The following DTD1 variants were observed in gnomAD, a reference collection of about 807,000 sequenced individuals.
DTD1 encodes the protein D-aminoacyl-tRNA deacylase 1.
A neutral mutation model predicts 25.6 loss-of-function variants in DTD1; 13 were observed. The ratio of observed to expected loss-of-function variants is 0.51; its 90% CI spans 0.33 to 0.81. DTD1 has a LOEUF of 0.81. Among genes scored for constraint, DTD1 ranks in the 30% least tolerant of loss-of-function variants. The pLI is 0.02. For synonymous variants in DTD1, 110 were observed against 103.6 expected (o/e 1.06, Z -0.37); for missense variants, 193 against 266.4 (o/e 0.72, Z 1.92).
At chr20:18,656,205 T>C (rs1178431239) in intron 4 of DTD1, among the ~76,000 whole-genome samples, 1 of 152,254 alleles carries the variant, frequency 6.6e-6, no homozygotes, top group Admixed American at 6.5e-5. Flanking sequence ...GATATTTTCT[T>C]TCTTCTCTAC....
At chr20:18,617,875 C>T (rs571308107) in intron 3 of DTD1, among the ~76,000 whole-genome samples, 27 of 152,132 alleles carry the variant, frequency 1.8e-4, no homozygotes, top group African/African-American at 6.5e-4. Context: ...ATAGAGACTT[C>T]TTTCTTTTTT....
At chr20:18,683,149 G>A (rs2061003812) in intron 4 of DTD1, among the ~76,000 whole-genome samples, 1 of 152,132 alleles carries the variant, frequency 6.6e-6, no homozygotes, top group African/African-American at 2.4e-5. Flanking sequence ...CTTTTTGTTG[G>A]TCAGTTGTGA....
chr20:18,636,265 G>A (rs536869610), intron 4 of DTD1, among the ~76,000 whole-genome samples: 1 of 152,276 alleles, frequency 6.6e-6, no homozygotes, highest in Non-Finnish European at 1.5e-5. Flanking sequence ...TTTATACATT[G>A]TGCATAGCAA....
At chr20:18,685,116 C>A (rs1335091643) in intron 4 of DTD1, among the ~76,000 whole-genome samples, 1 of 152,086 alleles carries the variant, frequency 6.6e-6, no homozygotes, top group African/African-American at 2.4e-5. Flanking sequence ...TTGCCCAGGC[C>A]AGTCCCAAAC....
intron 5 of DTD1, among the ~76,000 whole-genome samples, chr20:18,751,028 G>A (rs1489293443): frequency 6.6e-6 from 1 of 151,920 alleles, no homozygotes; most frequent in African/African-American, 2.4e-5. Flanking sequence ...GATGTGTCCT[G>A]GCTGAGCACA....
intron 4 of DTD1, among the ~76,000 whole-genome samples, chr20:18,648,696 T>C (rs1312318548): frequency 6.6e-6 from 1 of 152,154 alleles, no homozygotes; most frequent in East Asian, 1.9e-4. Context: ...ATAAAAAATT[T>C]AGATTATTGG....
At chr20:18,757,257 C>T (rs1307021332) in intron 5 of DTD1, among the ~76,000 whole-genome samples, 2 of 152,162 alleles carry the variant, frequency 1.3e-5, no homozygotes, top group Non-Finnish European at 2.9e-5. Context: ...ATTGAATACC[C>T]TTTATTTCCT....
intron 4 of DTD1, among the ~76,000 whole-genome samples, chr20:18,686,095 C>T (rs769269291): frequency 6.6e-6 from 1 of 152,220 alleles, no homozygotes; most frequent in Non-Finnish European, 1.5e-5. Context: ...GTTCTGTTTC[C>T]TGGAGGATCC....
chr20:18,754,836 G>A (rs774056213), intron 5 of DTD1, among the ~76,000 whole-genome samples: 12 of 152,224 alleles, frequency 7.9e-5, no homozygotes, highest in Non-Finnish European at 1.5e-4. Context: ...TGTAGTGGGC[G>A]GTGGCTTTCA....
chr20:18,628,434 C>T lies in DTD1; in HGVS notation c.477+201C>T, dbSNP rs1396456971. On this transcript the variant is annotated intron_variant, in intron 4 of 5. Transcript: ENST00000377452. ...TGGGTACAGCACTTCTCCCTTGCCTCGTCCTGCCTTTGAATTCCAGAGGAC... is the reference window on the plus strand; with the variant it reads ...TGGGTACAGCACTTCTCCCTTGCCTTGTCCTGCCTTTGAATTCCAGAGGAC... 3.9e-5 allele frequency among the ~76,000 whole-genome samples: 6 copies of T among 152,222 alleles called. No individual in the cohort carries two copies. In the East Asian group the frequency reaches 9.6e-4, roughly 24 times the overall value.
intron 4 of DTD1, among the ~76,000 whole-genome samples, chr20:18,739,080 G>A (rs6136500): frequency 3.9e-5 from 6 of 152,146 alleles, no homozygotes; most frequent in Non-Finnish European, 8.8e-5. Context: ...TGTGTCCTAA[G>A]GCCTTAGGTG....
At chr20:18,643,868 G>T (rs2060840088) in intron 4 of DTD1, among the ~76,000 whole-genome samples, 1 of 152,154 alleles carries the variant, frequency 6.6e-6, no homozygotes, top group African/African-American at 2.4e-5. Context: ...GTGTATGTGT[G>T]TGTGTGTGTA....
At chr20:18,594,429 T>C (rs1182901671) in intron 2 of DTD1, among the ~76,000 whole-genome samples, 1 of 152,182 alleles carries the variant, frequency 6.6e-6, no homozygotes, top group Non-Finnish European at 1.5e-5. Flanking sequence ...TTAGGTGTCT[T>C]AGCCAAGGCA....
In DTD1 at chr20:18,588,139, G is replaced by T; in HGVS notation, c.43+24G>T. 3.2e-6 allele frequency: 4 copies of T among 1,259,356 alleles called. No individual in the cohort carries two copies. In the South Asian group the frequency reaches 8.5e-5, roughly 27 times the overall value. 78.0% of individuals were successfully genotyped at this position (1,259,356 alleles called of 1,614,324 possible). ...AGGTCAGTCGGGCGGGGCCGGGCCC[G>T]GGAGGAGCCGCCCCTGACCCCCGCG... On this transcript the variant is annotated intron_variant, in intron 1 of 5. Coordinates refer to ENST00000377452, the MANE Select transcript of DTD1 (RefSeq NM_080820.6).
intron 4 of DTD1, among the ~76,000 whole-genome samples, chr20:18,722,501 GCTTTT>G: frequency 6.6e-6 from 1 of 152,350 alleles, no homozygotes; most frequent in Middle Eastern, 3.4e-3. Flanking sequence ...ATGTTTGATA[GCTTTT>G]CTTGAGTTGA....
At chr20:18,601,759 C>T (rs1263237156) in intron 3 of DTD1, among the ~76,000 whole-genome samples, 6 of 151,948 alleles carry the variant, frequency 3.9e-5, no homozygotes, top group African/African-American at 7.3e-5. Flanking sequence ...ACATCCACAC[C>T]GAAAACCCAT....
rs570765329 is a variant in DTD1 at position 18,596,383 on chromosome 20, C to T, written c.370+142C>T. On this transcript the variant is annotated intron_variant, in intron 3 of 5. Transcript: ENST00000377452. Reference sequence around the variant, plus strand: ...CTTACTTAGAACCACATACTAGCTGCTGCTATTGCTGCTGTTGTACTTAAC... The same window carrying T: ...CTTACTTAGAACCACATACTAGCTGTTGCTATTGCTGCTGTTGTACTTAAC... The T allele has an allele frequency of 2.3e-4, 151 of 669,140 alleles. 2 individuals are homozygous for T. In the South Asian group the frequency reaches 2.7e-3, roughly 12 times the overall value. The allele number at this position is 669,140 out of a possible 1,614,324, so 41.5% of individuals were successfully genotyped here. A position where few individuals can be genotyped will look rare whatever the true frequency, so the allele number is the denominator to read the frequency against.
intron 4 of DTD1, among the ~76,000 whole-genome samples, chr20:18,688,840 G>A (rs967473402): frequency 1.6e-4 from 24 of 152,114 alleles, no homozygotes; most frequent in South Asian, 4.1e-4. Context: ...TATTGAGTAG[G>A]AAGCAGGAAG....
At chr20:18,678,569 G>T (rs926815709) in intron 4 of DTD1, among the ~76,000 whole-genome samples, 6 of 152,162 alleles carry the variant, frequency 3.9e-5, no homozygotes, top group African/African-American at 1.4e-4. Context: ...TAAAATAAAA[G>T]ATCTGAAAAC....
Sources: allele counts gnomAD v4.1 joint callset (sites outside exome capture counted in the v4.1 genomes callset), GRCh38; gene constraint gnomAD v4.1.1; transcripts MANE v1.5; gene names NCBI Gene and HGNC (gene_info 2026-07-23, HGNC 2026-07-21).